KCNK2: variants seen among roughly 807,000 people sequenced by gnomAD.
KCNK2 encodes the protein potassium channel subfamily K member 2.
Under a neutral mutation model 40.5 loss-of-function variants are expected in KCNK2, and 21 were observed. The ratio of observed to expected loss-of-function variants is 0.52; its 90% CI spans 0.37 to 0.75. KCNK2 has a LOEUF of 0.75. KCNK2 is among the 30% of genes least tolerant of loss of function. The pLI, the probability that KCNK2 is intolerant of heterozygous loss-of-function variation, is 0.00. For missense variants in KCNK2, 399 were observed against 531.6 expected (o/e 0.75, Z 2.45); for synonymous variants, 191 against 202.2 (o/e 0.94, Z 0.47).
At chr1:215,188,683 G>T (rs569472697) in intron 5 of KCNK2, among the ~76,000 whole-genome samples, 8 of 152,198 alleles carry the variant, frequency 5.3e-5, no homozygotes, top group East Asian at 1.9e-4. Flanking sequence ...CATGTCAAAG[G>T]CCAGGTATTA....
Position 215,034,893 on chromosome 1 carries a change from A to G in KCNK2, c.34+28938A>G, listed in dbSNP as rs562979329. Among the ~76,000 whole-genome samples the G allele has an allele frequency of 2.0e-5, 3 of 152,226 alleles. No individual in the cohort carries two copies. The South Asian group carries it at 6.2e-4, about 32-fold the overall frequency. The stretch of plus-strand genomic sequence containing the variant: ...AATATTTTAAAATATACATGCATTC[A>G]TGTTGGTATTGATTATCCCAGTCCA... On this transcript the variant is annotated intron_variant, in intron 1 of 6. Transcript: ENST00000391895.
At chr1:215,207,866 A>C in intron 6 of KCNK2, among the ~76,000 whole-genome samples, 1 of 152,190 alleles carries the variant, frequency 6.6e-6, no homozygotes, top group East Asian at 1.9e-4. Context: ...AAGTCAAAAA[A>C]CAACAGATGC....
chr1:215,090,320 C>T (rs1659640068), intron 2 of KCNK2, among the ~76,000 whole-genome samples: 1 of 152,038 alleles, frequency 6.6e-6, no homozygotes, highest in South Asian at 2.1e-4. Flanking sequence ...CTTCAGTTTC[C>T]AAGAGTGCAT....
intron 5 of KCNK2, among the ~76,000 whole-genome samples, chr1:215,173,405 T>C (rs1017187543): frequency 6.6e-6 from 1 of 152,194 alleles, no homozygotes; most frequent in Non-Finnish European, 1.5e-5. Flanking sequence ...GTCTTTGCTA[T>C]TGTGAATAGT....
At chr1:215,231,870 G>C (rs747052269) in intron 6 of KCNK2, among the ~76,000 whole-genome samples, 2 of 152,160 alleles carry the variant, frequency 1.3e-5, no homozygotes, top group East Asian at 1.9e-4. Context: ...GCGGGCAAGA[G>C]AGCAAATGCA....
rs1279155348 is a variant in KCNK2 at position 215,235,514 on chromosome 1, C to A, written c.*369C>A. ...TCAGTTCTTAACTTTTCAGGGTCTA[C>A]CTAACTGAGCCTAGATATGGACCAT... On this transcript the variant is annotated 3_prime_UTR_variant, in exon 7 of 7. Coordinates refer to ENST00000444842, the MANE Select transcript of KCNK2 (RefSeq NM_001017425.3). The A allele has an allele frequency of 5.7e-6, 1 of 175,526 alleles. No homozygotes were observed. The highest frequency in any genetic ancestry group is 5.9e-5 in the Admixed American group (1 of 16,990). The allele number at this position is 175,526 out of a possible 1,614,324, so 10.9% of individuals were successfully genotyped here.
intron 2 of KCNK2, among the ~76,000 whole-genome samples, chr1:215,089,863 G>A (rs1397313766): frequency 7.9e-6 from 1 of 126,628 alleles, no homozygotes; most frequent in African/African-American, 3.0e-5. Context: ...TTTCGCTCTT[G>A]TTGCCCAGCC....
chr1:215,209,166 G>A (rs1665448692), intron 6 of KCNK2, among the ~76,000 whole-genome samples: 1 of 140,324 alleles, frequency 7.1e-6, no homozygotes, highest in South Asian at 2.2e-4. Context: ...TTTAGTGAGG[G>A]CATTTTTTAT....
At chr1:215,198,275 C>A (rs372278191) in intron 6 of KCNK2, among the ~76,000 whole-genome samples, 6 of 152,096 alleles carry the variant, frequency 3.9e-5, no homozygotes, top group Non-Finnish European at 7.4e-5. Flanking sequence ...TTTAAGTGAA[C>A]CCTCCAAAGT....
upstream of KCNK2, among the ~76,000 whole-genome samples, chr1:215,078,314 G>A (rs1010550673): frequency 2.0e-5 from 3 of 152,160 alleles, no homozygotes; most frequent in Non-Finnish European, 4.4e-5. Flanking sequence ...TCAAACGCAG[G>A]AGATAATAAA....
chr1:215,090,779 T>C (rs771841551), intron 2 of KCNK2, among the ~76,000 whole-genome samples: 2 of 152,214 alleles, frequency 1.3e-5, no homozygotes, highest in Non-Finnish European at 2.9e-5. Flanking sequence ...TGGGAAGATA[T>C]TCTATCTGTT....
intron 1 of KCNK2, among the ~76,000 whole-genome samples, chr1:215,053,005 T>C (rs1658039571): frequency 6.6e-6 from 1 of 152,184 alleles, no homozygotes; most frequent in Non-Finnish European, 1.5e-5. Context: ...TTACTCATTT[T>C]CTCCAAAGTC....
chr1:215,209,992 TATAATATATATTATATATAATATATA>T (rs1387968197), intron 6 of KCNK2, among the ~76,000 whole-genome samples: 1 of 4,384 alleles, frequency 2.3e-4, no homozygotes, highest in Non-Finnish European at 1.3e-3. Flanking sequence ...ATATATAATA[TATAATATATATTATATATAATATATA>T]ATATATATTA....
At chr1:215,182,564 TGCAGCAGCA>T (rs778806701) in intron 5 of KCNK2, among the ~76,000 whole-genome samples, 1 of 152,068 alleles carries the variant, frequency 6.6e-6, no homozygotes, top group Non-Finnish European at 1.5e-5. Flanking sequence ...CAAGAGAAAC[TGCAGCAGCA>T]GCAGCATTCC....
rs1192913096 is a variant in KCNK2, at chr1:215,234,813, G to A, written c.964-15G>A. 9.4e-6 allele frequency: 15 copies of A among 1,592,084 alleles called. No individual in the cohort carries two copies. Among genetic ancestry groups the A allele is most frequent in the Non-Finnish European group, 1.3e-5 (15 of 1,163,680 alleles). ...ATGTCAATATCTTTATCTTTTCTCTGCTTGTATGTTCCAGGTGGGAGAGTT... is the reference window on the plus strand; with the variant it reads ...ATGTCAATATCTTTATCTTTTCTCTACTTGTATGTTCCAGGTGGGAGAGTT... On this transcript the variant is annotated splice_polypyrimidine_tract_variant and intron_variant, in intron 6 of 6. Coordinates refer to ENST00000444842, the MANE Select transcript of KCNK2 (RefSeq NM_001017425.3).
At chr1:215,181,282 G>A (rs1019855505) in intron 5 of KCNK2, among the ~76,000 whole-genome samples, 1 of 152,134 alleles carries the variant, frequency 6.6e-6, no homozygotes, top group East Asian at 1.9e-4. Context: ...TCTTTGTGTT[G>A]ATTTTCAACT....
In KCNK2 at chr1:215,221,805, A is replaced by G. The variant is rs556984178; in HGVS notation, c.964-13023A>G. ...ATAACAGTGTATGAAAATTTATCTA[A>G]GCACACAAATTATATTGTTTCTGAA... On this transcript the variant is annotated intron_variant, in intron 6 of 6. Transcript: ENST00000444842. Among the ~76,000 whole-genome samples the G allele has an allele frequency of 6.6e-5, 10 of 152,352 alleles. 1 individual carries two copies. Among genetic ancestry groups the G allele is most frequent in the African/African-American group, 2.4e-4 (10 of 41,588 alleles).
chr1:215,177,742 T>TA lies in KCNK2; in HGVS notation c.823+5559_823+5560insA, dbSNP rs1558126644. Among the ~76,000 whole-genome samples the TA allele has an allele frequency of 8.9e-3, 276 of 30,982 alleles. 1 individual carries two copies. The highest frequency in any genetic ancestry group is 0.02 in the African/African-American group (241 of 11,766). 20.3% of individuals were successfully genotyped at this position (30,982 alleles called of 152,430 possible). A position where few individuals can be genotyped will look rare whatever the true frequency, so the allele number is the denominator to read the frequency against. On this transcript the variant is annotated intron_variant, in intron 5 of 6. Transcript: ENST00000444842. ...TATGTGTATATATATATATATATAT[T>TA]TTTTTTTTTTGTAGCAGTACCATGC... is the stretch of plus-strand genomic sequence containing the variant.
chr1:215,086,356 T>C lies in KCNK2; in HGVS notation c.47-12T>C, dbSNP rs776115870. ...CTCCTCCAACCTAACCCTCATTCTC[T>C]GTTGTTGTCAGTGGCGGCACCTGAC... is the stretch of plus-strand genomic sequence containing the variant. On this transcript the variant is annotated splice_polypyrimidine_tract_variant and intron_variant, in intron 1 of 6. Transcript: ENST00000444842. 4.3e-6 allele frequency: 7 copies of C among 1,609,864 alleles called. No homozygotes were observed. Among genetic ancestry groups the C allele is most frequent in the Non-Finnish European group, 5.9e-6 (7 of 1,176,696 alleles).
Sources: gnomAD v4.1 joint callset for allele counts (sites outside exome capture counted in the v4.1 genomes callset) on GRCh38, gnomAD v4.1.1 for gene constraint, MANE v1.5 for transcripts, NCBI Gene and HGNC (gene_info 2026-07-23, HGNC 2026-07-21) for gene names.